Variants in GNG12 observed in about 807,000 individuals in gnomAD.
GNG12 encodes the protein G protein subunit gamma 12.
For synonymous variants in GNG12, 28 were observed against 29.7 expected, an observed-to-expected ratio of 0.94 and a Z score of 0.19; for missense variants, 69 against 83.8, an observed-to-expected ratio of 0.82 and a Z score of 0.69.
At chr1:67,731,316 G>A (rs148782667) in intron 2 of GNG12, among the ~76,000 whole-genome samples, 58 of 152,246 alleles carry the variant, frequency 3.8e-4, no homozygotes, top group African/African-American at 1.0e-3. Flanking sequence ...ACTAATCCCC[G>A]CTCTCAAGGA....
At chr1:67,712,607 C>T (rs1397694043) in intron 2 of GNG12, among the ~76,000 whole-genome samples, 1 of 152,038 alleles carries the variant, frequency 6.6e-6, no homozygotes, top group East Asian at 1.9e-4. Flanking sequence ...GTGGGAGAAT[C>T]GCTTGAGCCC....
At chr1:67,807,786 C>T (rs917860546) in intron 1 of GNG12, among the ~76,000 whole-genome samples, 2 of 151,972 alleles carry the variant, frequency 1.3e-5, no homozygotes, top group African/African-American at 4.8e-5. Flanking sequence ...TCTCAAAAGG[C>T]CTATTTATAT....
In GNG12 at chr1:67,705,467, G is replaced by GT. The variant is rs1022402829; in HGVS notation, c.202dup (p.Thr68AsnfsTer9). 5 of 1,613,972 alleles carry GT rather than the reference G, an allele frequency of 3.1e-6. No homozygotes were observed. The highest frequency in any genetic ancestry group is 1.7e-5 in the Admixed American group (1 of 59,974). On this transcript the variant is annotated frameshift_variant, in exon 4 of 4. Coordinates refer to ENST00000370982, the MANE Select transcript of GNG12 (RefSeq NM_018841.6). LOFTEE classifies it high-confidence loss of function. ...TCTATTCCACTATAAGATGATGCAA[G>GT]TTTTTTTATCCTTGAAAGGGTTTTC...
At chr1:67,756,099 G>C (rs1231814452) in intron 2 of GNG12, among the ~76,000 whole-genome samples, 4 of 152,150 alleles carry the variant, frequency 2.6e-5, no homozygotes, top group African/African-American at 9.7e-5. Flanking sequence ...TTAGAGTGTG[G>C]GAGTGGGAGG....
intron 2 of GNG12, among the ~76,000 whole-genome samples, chr1:67,741,816 G>C (rs1029328975): frequency 6.6e-6 from 1 of 152,160 alleles, no homozygotes; most frequent in African/African-American, 2.4e-5. Context: ...TTTTCATGGA[G>C]CTAACATTCA....
chr1:67,829,460 T>C (rs971079118), intron 1 of GNG12, among the ~76,000 whole-genome samples: 34 of 152,242 alleles, frequency 2.2e-4, no homozygotes, highest in African/African-American at 8.0e-4. Context: ...GAGCTTTTTT[T>C]AGATTTGGGG....
chr1:67,728,044 C>T (rs149852282), intron 2 of GNG12, among the ~76,000 whole-genome samples: 4 of 152,274 alleles, frequency 2.6e-5, no homozygotes, highest in African/African-American at 9.6e-5. Context: ...TAAACAGAAC[C>T]ATTTAATGAC....
At chr1:67,812,982 C>A (rs1455258576) in intron 1 of GNG12, among the ~76,000 whole-genome samples, 3 of 152,148 alleles carry the variant, frequency 2.0e-5, no homozygotes, top group African/African-American at 7.2e-5. Context: ...GTGAACTTGG[C>A]AAATCTCTGG....
At position 67,705,424 on chromosome 1, in the gene GNG12, G is replaced by A. The variant is rs1414665659; in HGVS notation, c.*27C>T. On this transcript the variant is annotated 3_prime_UTR_variant, in exon 4 of 4. Transcript: ENST00000370982. ...TGCTCATAATTTGCGTTGTTGGGAA[G>A]AGGCGAGGAGCTGTTTCTCTATTCC... 6.2e-7 allele frequency: 1 copy of A among 1,609,236 alleles called. No homozygotes were observed. The highest frequency in any genetic ancestry group is 1.7e-5 in the Admixed American group (1 of 59,136).
At chr1:67,786,229 C>G (rs1570547321) in intron 1 of GNG12, among the ~76,000 whole-genome samples, 1 of 152,108 alleles carries the variant, frequency 6.6e-6, no homozygotes, top group East Asian at 1.9e-4. Flanking sequence ...TACCAATAAA[C>G]AAAACTGAAT....
At chr1:67,777,888 A>T (rs1285325695) in intron 1 of GNG12, among the ~76,000 whole-genome samples, 1 of 152,186 alleles carries the variant, frequency 6.6e-6, no homozygotes, top group Non-Finnish European at 1.5e-5. Flanking sequence ...CTGGTGGTCC[A>T]ACATAACTTG....
intron 1 of GNG12, among the ~76,000 whole-genome samples, chr1:67,809,605 A>G (rs1646911984): frequency 6.6e-6 from 1 of 152,214 alleles, no homozygotes; most frequent in African/African-American, 2.4e-5. Flanking sequence ...ATTTGATTGA[A>G]AAATGATCAA....
At chr1:67,827,200 C>G (rs1212960827) in intron 1 of GNG12, among the ~76,000 whole-genome samples, 2 of 152,186 alleles carry the variant, frequency 1.3e-5, no homozygotes, top group African/African-American at 4.8e-5. Flanking sequence ...GATCCTATGT[C>G]AATTACATGA....
At chr1:67,785,140 A>G (rs1646760652) in intron 1 of GNG12, among the ~76,000 whole-genome samples, 1 of 152,188 alleles carries the variant, frequency 6.6e-6, no homozygotes, top group Non-Finnish European at 1.5e-5. Flanking sequence ...CACAGCACCA[A>G]TTCTATATTG....
intron 2 of GNG12, among the ~76,000 whole-genome samples, chr1:67,768,847 A>G (rs1646656031): frequency 6.6e-6 from 1 of 152,262 alleles, no homozygotes; most frequent in African/African-American, 2.4e-5. Flanking sequence ...TATTTCAAAT[A>G]TATATCTAGA....
At chr1:67,775,943 A>T (rs1438282999) in intron 2 of GNG12, among the ~76,000 whole-genome samples, 1 of 152,184 alleles carries the variant, frequency 6.6e-6, no homozygotes, top group African/African-American at 2.4e-5. Context: ...GAATAAAGGG[A>T]ATAGCAGGAC....
At position 67,704,827 on chromosome 1, in the gene GNG12, TCTTTA is replaced by T. The variant is rs1382888155; in HGVS notation, c.*619_*623del. 1 of 152,532 alleles carries T rather than the reference TCTTTA, an allele frequency of 6.6e-6. No homozygotes were observed. The highest frequency in any genetic ancestry group is 1.9e-4 in the East Asian group (1 of 5,204). The allele number at this position is 152,532 out of a possible 1,614,324, so 9.4% of individuals were successfully genotyped here. On this transcript the variant is annotated 3_prime_UTR_variant, in exon 4 of 4. Transcript: ENST00000370982. ...ACAATGAATACAATCTTTAGGATAC[TCTTTA>T]CTTTTTGTACAATAACGATATGAAA...
At chr1:67,800,792 A>T (rs1646860000) in intron 1 of GNG12, among the ~76,000 whole-genome samples, 1 of 152,220 alleles carries the variant, frequency 6.6e-6, no homozygotes, top group African/African-American at 2.4e-5. Flanking sequence ...TGTCAACACA[A>T]TGAAAACGTC....
At chr1:67,740,536 G>A (rs1394528958) in intron 2 of GNG12, among the ~76,000 whole-genome samples, 2 of 152,244 alleles carry the variant, frequency 1.3e-5, no homozygotes, top group Non-Finnish European at 2.9e-5. Context: ...GCCCTTTACA[G>A]AACAAGTTTG....
Sources: gnomAD v4.1 joint callset for allele counts (sites outside exome capture counted in the v4.1 genomes callset) on GRCh38, gnomAD v4.1.1 for gene constraint, MANE v1.5 for transcripts, NCBI Gene and HGNC (gene_info 2026-07-23, HGNC 2026-07-21) for gene names.